RSPH10B2: variants seen among roughly 807,000 people sequenced by gnomAD.
RSPH10B2 encodes the protein radial spoke head 10 homolog B2.
Under a neutral mutation model 49.0 loss-of-function variants are expected in RSPH10B2, and 9 were observed. That is an observed-to-expected ratio of 0.18 (90% CI 0.11 to 0.32). The LOEUF (loss-of-function observed/expected upper bound fraction) is 0.32, where lower values mean the gene tolerates loss of function less well. Ranked by LOEUF, RSPH10B2 falls within the 10% of genes least tolerant of loss-of-function variation. The pLI is 1.00. For synonymous variants in RSPH10B2, 35 were observed against 210.2 expected, an observed-to-expected ratio of 0.17 and a Z score of 7.21; for missense variants, 95 against 589.9, an observed-to-expected ratio of 0.16 and a Z score of 8.69.
chr7:6,796,419 T>C, intron 17 of RSPH10B2, 149 bp from the exon 20 acceptor site: 1 of 516,676 alleles, frequency 1.9e-6, no homozygotes, highest in Admixed American at 4.1e-5. Context: ...TTCCAGGTGG[T>C]CATGGAAGCA....
chr7:6,776,952 G>C (rs1179357341), intron 10 of RSPH10B2, among the ~76,000 whole-genome samples: 2 of 124,636 alleles, frequency 1.6e-5, no homozygotes, highest in African/African-American at 3.0e-5. Flanking sequence ...CCAACCCCCA[G>C]GCCAGGGAGC....
At chr7:6,783,947 C>T (rs1421942115) in intron 13 of RSPH10B2, among the ~76,000 whole-genome samples, 4 of 133,382 alleles carry the variant, frequency 3.0e-5, no homozygotes, top group Non-Finnish European at 6.3e-5. Flanking sequence ...AGTGATTCTT[C>T]TGCCTCAGCC....
chr7:6,776,672 C>G (rs985926115), intron 10 of RSPH10B2, 126 bp downstream of exon 12: 2 of 45,164 alleles, frequency 4.4e-5, no homozygotes, highest in Non-Finnish European at 8.2e-5. Context: ...GTCAGGAGTT[C>G]AAGACCAGCC....
intron 4 of RSPH10B2, among the ~76,000 whole-genome samples, chr7:6,764,739 T>TG (rs1170357729): frequency 6.7e-6 from 1 of 149,658 alleles, no homozygotes. Context: ...TGTGTGTGTG[T>TG]TTTACAGCAG....
At chr7:6,758,472 A>G (rs1351673431) in intron 1 of RSPH10B2, among the ~76,000 whole-genome samples, 2 of 140,556 alleles carry the variant, frequency 1.4e-5, no homozygotes, top group African/African-American at 5.3e-5. Context: ...CATATAACAA[A>G]ATGTACTATC....
rs1414811593 is a variant in RSPH10B2 at position 6,796,297 on chromosome 7, G to A, written c.2234-271G>A. On this transcript the variant is annotated intron_variant, in intron 17 of 18. Coordinates refer to ENST00000297186, the Ensembl canonical transcript of RSPH10B2. ...CCACTGCACTCCAGCCTGGGTGACA[G>A]AGTGAGACTCTGTCTCCAAAAAAAA... is the stretch of plus-strand genomic sequence containing the variant. 4.8e-5 allele frequency among the ~76,000 whole-genome samples: 6 copies of A among 126,232 alleles called. 1 individual carries two copies. Among genetic ancestry groups the A allele is most frequent in the Non-Finnish European group, 8.6e-5 (5 of 57,822 alleles). The allele number at this position is 126,232 out of a possible 152,430, so 82.8% of individuals were successfully genotyped here.
intron 6 of RSPH10B2, among the ~76,000 whole-genome samples, chr7:6,767,111 CCCA>C (rs1184549083): frequency 1.3e-3 from 30 of 23,196 alleles, no homozygotes; most frequent in East Asian, 3.0e-3. Flanking sequence ...ATTACAGGTA[CCCA>C]CCACCACCAC....
chr7:6,786,798 TAATG>T lies in RSPH10B2; in HGVS notation c.1867-77_1867-74del, dbSNP rs200125502. ...ACGTGCATATTCAGATGTCAGGAAA[TAATG>T]AACACCAGTCAATCAATGCTCTGTC... is the stretch of plus-strand genomic sequence containing the variant. On this transcript the variant is annotated intron_variant, in intron 14 of 18. Transcript: ENST00000297186. The T allele has an allele frequency of 3.8e-3, 2,579 of 681,910 alleles. 225 individuals are homozygous for T. The African/African-American group carries it at 0.048, about 13-fold the overall frequency. 42.2% of individuals were successfully genotyped at this position (681,910 alleles called of 1,614,324 possible). A position where few individuals can be genotyped will look rare whatever the true frequency, so the allele number is the denominator to read the frequency against.
chr7:6,797,498 G>C (rs1233838476), intron 18 of RSPH10B2, among the ~76,000 whole-genome samples: 58 of 152,274 alleles, frequency 3.8e-4, no homozygotes, highest in Non-Finnish European at 5.7e-4. Flanking sequence ...AAGGGAGAGG[G>C]GCTGGAGATT....
chr7:6,798,725 A>AC (rs374760223), exon 19 of RSPH10B2: 2,124 of 158,434 alleles, frequency 0.013, 253 homozygotes, highest in Non-Finnish European at 0.014. Flanking sequence ...ACATAGTGAG[A>AC]CCCCCCCATC....
At chr7:6,796,024 GAA>G (rs1303813668) in intron 17 of RSPH10B2, among the ~76,000 whole-genome samples, 2 of 144,008 alleles carry the variant, frequency 1.4e-5, no homozygotes, top group Non-Finnish European at 3.1e-5. Flanking sequence ...TCTTAAGATA[GAA>G]AAAAAAGAGG....
At chr7:6,769,459 C>T (rs1334901777) in intron 7 of RSPH10B2, among the ~76,000 whole-genome samples, 2 of 52,818 alleles carry the variant, frequency 3.8e-5, no homozygotes, top group Non-Finnish European at 7.4e-5. Flanking sequence ...TAAGCACATG[C>T]GCATTGTTGC....
intron 9 of RSPH10B2, among the ~76,000 whole-genome samples, chr7:6,774,761 T>TG (rs1486997220): frequency 3.4e-5 from 5 of 148,418 alleles, no homozygotes; most frequent in Admixed American, 6.7e-5. Flanking sequence ...TTTTGTTTTT[T>TG]TTTTTTTCTT....
In RSPH10B2 at chr7:6,769,655, C is replaced by G. The variant is rs551638658; in HGVS notation, c.957+889C>G. Reference sequence around the variant, plus strand: ...CCAGGCTGGAGTGCAGTGGCATGATCTCAGCTCGCTGCAACCTCTGCCTCC... The same window carrying G: ...CCAGGCTGGAGTGCAGTGGCATGATGTCAGCTCGCTGCAACCTCTGCCTCC... On this transcript the variant is annotated intron_variant, in intron 7 of 18. Coordinates refer to ENST00000297186, the Ensembl canonical transcript of RSPH10B2. Among the ~76,000 whole-genome samples the G allele has an allele frequency of 1.7e-5, 2 of 116,338 alleles. 1 individual carries two copies. Among genetic ancestry groups the G allele is most frequent in the African/African-American group, 7.4e-5 (2 of 26,950 alleles). The allele number at this position is 116,338 out of a possible 152,430, so 76.3% of individuals were successfully genotyped here. A position where few individuals can be genotyped will look rare whatever the true frequency, so the allele number is the denominator to read the frequency against.
chr7:6,797,811 C>G (rs1782656719), intron 18 of RSPH10B2, among the ~76,000 whole-genome samples: 1 of 120,330 alleles, frequency 8.3e-6, no homozygotes, highest in South Asian at 4.0e-4. Context: ...TTTGTTTGTG[C>G]CACTGCACTC....
intron 11 of RSPH10B2, among the ~76,000 whole-genome samples, chr7:6,780,268 C>G (rs1583517531): frequency 8.1e-6 from 1 of 124,096 alleles, no homozygotes; most frequent in African/African-American, 2.9e-5. Flanking sequence ...AAATATCTCT[C>G]GGGGTTTCTA....
chr7:6,797,599 G>T (rs1440953057), intron 18 of RSPH10B2, among the ~76,000 whole-genome samples: 1 of 152,284 alleles, frequency 6.6e-6, no homozygotes, highest in Admixed American at 6.5e-5. Context: ...CATGGCACAT[G>T]CCGGTAACCC....
intron 16 of RSPH10B2, among the ~76,000 whole-genome samples, chr7:6,791,307 C>T (rs74888007): frequency 2.0e-4 from 25 of 125,134 alleles, no homozygotes; most frequent in East Asian, 9.7e-4. Context: ...TAGCCGGTAT[C>T]ATTAATTTTA....
Position 6,793,428 on chromosome 7 carries a change from G to C in RSPH10B2, c.2233+1431G>C, listed in dbSNP as rs60485381. Among the ~76,000 whole-genome samples the C allele has an allele frequency of 1.3e-4, 15 of 115,902 alleles. 2 individuals are homozygous for C. Among genetic ancestry groups the C allele is most frequent in the East Asian group, 3.6e-4 (1 of 2,790 alleles). 76.0% of individuals were successfully genotyped at this position (115,902 alleles called of 152,430 possible). A position where few individuals can be genotyped will look rare whatever the true frequency, so the allele number is the denominator to read the frequency against. On this transcript the variant is annotated intron_variant, in intron 17 of 18. Transcript: ENST00000297186. Reference sequence around the variant, plus strand: ...GGACTTTTAAAGGCTCCGTCCCGGGGCCTTGTCTTCTCAAAGGCCTCCCCT... The same window carrying C: ...GGACTTTTAAAGGCTCCGTCCCGGGCCCTTGTCTTCTCAAAGGCCTCCCCT...
Sources: gnomAD v4.1 joint callset for allele counts (sites outside exome capture counted in the v4.1 genomes callset) on GRCh38, gnomAD v4.1.1 for gene constraint, MANE v1.5 for transcripts, NCBI Gene and HGNC (gene_info 2026-07-23, HGNC 2026-07-21) for gene names.